KIRREL3: variants seen among roughly 807,000 people sequenced by gnomAD.
The protein encoded by KIRREL3 is kin of IRRE-like protein 3.
In KIRREL3, 36 loss-of-function variants were observed where a neutral mutation model predicts 89.7. The observed-to-expected ratio is 0.40, with a 90% CI of 0.31 to 0.53. The LOEUF is 0.53. Ranked by LOEUF, KIRREL3 falls within the 20% of genes least tolerant of loss-of-function variation. KIRREL3 has a pLI of 0.49. For synonymous variants in KIRREL3, 445 were observed against 441.4 expected, an observed-to-expected ratio of 1.01 and a Z score of -0.10; for missense variants, 864 against 1,056.6, an observed-to-expected ratio of 0.82 and a Z score of 2.53.
Position 126,606,491 on chromosome 11 carries a change from C to T in KIRREL3, c.56-43579G>A, listed in dbSNP as rs767583021. On this transcript the variant is annotated intron_variant, in intron 1 of 16. Coordinates refer to ENST00000525144, the MANE Select transcript of KIRREL3 (RefSeq NM_032531.4). The surrounding 1 kb of genome is among the most constrained non-coding windows in gnomAD (Gnocchi z 4.6). ...AAGAATTATTAAGTTGTCGATTTCACAGGGCCATGGGGGAGGGAAGTCCGG... is the reference window on the plus strand; with the variant it reads ...AAGAATTATTAAGTTGTCGATTTCATAGGGCCATGGGGGAGGGAAGTCCGG... Among the ~76,000 whole-genome samples the T allele has an allele frequency of 3.3e-5, 5 of 152,156 alleles. No individual in the cohort carries two copies. Among genetic ancestry groups the T allele is most frequent in the Non-Finnish European group, 7.3e-5 (5 of 68,028 alleles).
rs1300461455 is a variant in KIRREL3, at chr11:126,891,420, C to A, written c.55+109035G>T. On this transcript the variant is annotated intron_variant, in intron 1 of 16. Transcript: ENST00000525144. The surrounding 1 kb of genome is among the most constrained non-coding windows in gnomAD (Gnocchi z 5.1). Reference sequence around the variant, plus strand: ...TTCAGCTATTGTAAAGGGCAAGGAGCTGGAAGGAAAGGCAGAAGAGGAGGC... The same window carrying A: ...TTCAGCTATTGTAAAGGGCAAGGAGATGGAAGGAAAGGCAGAAGAGGAGGC... Among the ~76,000 whole-genome samples, 2 of 152,156 alleles carry A rather than the reference C, an allele frequency of 1.3e-5. No individual in the cohort carries two copies. The highest frequency in any genetic ancestry group is 2.9e-5 in the Non-Finnish European group (2 of 68,038).
intron 1 of KIRREL3, among the ~76,000 whole-genome samples, chr11:126,840,994 A>G (rs750147256): frequency 6.6e-6 from 1 of 152,230 alleles, no homozygotes; most frequent in Non-Finnish European, 1.5e-5. Flanking sequence ...TGAATCTTCT[A>G]TTTGTGAAAC....
In KIRREL3 at chr11:126,903,320, G is replaced by T. The variant is rs1946445323; in HGVS notation, c.55+97135C>A. 6.6e-6 allele frequency among the ~76,000 whole-genome samples: 1 copy of T among 151,224 alleles called. No individual in the cohort carries two copies. The highest frequency in any genetic ancestry group is 2.4e-5 in the African/African-American group (1 of 41,092). ...ACTAATTTTTTCCTCTTTTTCTCTG[G>T]GTTAACAATGCAGGGATCATAGTTG... On this transcript the variant is annotated intron_variant, in intron 1 of 16. Transcript: ENST00000525144. This position sits in a 1 kb window ranked among gnomAD's most constrained non-coding sequence, Gnocchi z 4.5.
At chr11:126,919,371 T>G (rs574732116) in intron 1 of KIRREL3, among the ~76,000 whole-genome samples, 1 of 152,342 alleles carries the variant, frequency 6.6e-6, no homozygotes, top group African/African-American at 2.4e-5. Context: ...TTAAAATCAC[T>G]TCTGTTAAAG....
Position 126,544,114 on chromosome 11 carries a change from G to C in KIRREL3, c.134-17427C>G, listed in dbSNP as rs1938594622. On this transcript the variant is annotated intron_variant, in intron 2 of 16. Coordinates refer to ENST00000525144, the MANE Select transcript of KIRREL3 (RefSeq NM_032531.4). This position sits in a 1 kb window ranked among gnomAD's most constrained non-coding sequence, Gnocchi z 5.6. Reference sequence around the variant, plus strand: ...GGTGGCGACAGCTCCTCTAATAAGAGAGTTACTCATGGCTTCACTGGAGAG... The same window carrying C: ...GGTGGCGACAGCTCCTCTAATAAGACAGTTACTCATGGCTTCACTGGAGAG... 6.6e-6 allele frequency: 1 copy of C among 152,242 alleles called. No homozygotes were observed. The highest frequency in any genetic ancestry group is 1.5e-5 in the Non-Finnish European group (1 of 68,066). 9.4% of individuals were successfully genotyped at this position (152,242 alleles called of 1,614,324 possible).
chr11:126,967,214 G>A (rs901725538), intron 1 of KIRREL3, among the ~76,000 whole-genome samples: 8 of 152,136 alleles, frequency 5.3e-5, no homozygotes, highest in Admixed American at 3.9e-4. Flanking sequence ...CTCTTTGTGC[G>A]TAACACTGTT....
chr11:126,486,175 T>A lies in KIRREL3; in HGVS notation c.434-12709A>T, dbSNP rs10893522. ...AGAAGGGAGCTGCAGTGATTTGCAC[T>A]CAAGCAGACCAGTGTGCCTGTGCCG... On this transcript the variant is annotated intron_variant, in intron 4 of 16. Transcript: ENST00000525144. The surrounding 1 kb of genome is among the most constrained non-coding windows in gnomAD (Gnocchi z 6.2). Among the ~76,000 whole-genome samples, 2 of 152,144 alleles carry A rather than the reference T, an allele frequency of 1.3e-5. No homozygotes were observed. Among genetic ancestry groups the A allele is most frequent in the South Asian group, 2.1e-4 (1 of 4,818 alleles).
At chr11:126,600,821 T>C (rs1942620165) in intron 1 of KIRREL3, among the ~76,000 whole-genome samples, 1 of 152,220 alleles carries the variant, frequency 6.6e-6, no homozygotes, top group African/African-American at 2.4e-5. Flanking sequence ...CTTTCAAAGC[T>C]TGGCTTAAAC....
At chr11:126,458,318 A>G (rs114214734) in intron 6 of KIRREL3, among the ~76,000 whole-genome samples, 3 of 152,362 alleles carry the variant, frequency 2.0e-5, no homozygotes, top group Admixed American at 1.3e-4. Flanking sequence ...TTCGGTCCCC[A>G]TGGGGGCACC....
rs1455446880 is a variant in KIRREL3 at position 126,656,019 on chromosome 11, A to G, written c.56-93107T>C. 2.6e-6 allele frequency: 1 copy of G among 391,772 alleles called. No individual in the cohort carries two copies. The highest frequency in any genetic ancestry group is 7.6e-5 in the East Asian group (1 of 13,180). 24.3% of individuals were successfully genotyped at this position (391,772 alleles called of 1,614,324 possible). On this transcript the variant is annotated intron_variant, in intron 1 of 16. Transcript: ENST00000525144. This position sits in a 1 kb window ranked among gnomAD's most constrained non-coding sequence, Gnocchi z 4.0. ...CCTTAGAAGCTAATTAGAATCCTCT[A>G]GAAGTGTGTGGAAATGGGAACCTGA...
At chr11:126,691,348 C>T (rs532615117) in intron 1 of KIRREL3, among the ~76,000 whole-genome samples, 1 of 152,298 alleles carries the variant, frequency 6.6e-6, no homozygotes, top group East Asian at 1.9e-4. Context: ...GTCATTTCAG[C>T]ACTATTTATA....
At position 126,425,463 on chromosome 11, in the gene KIRREL3, C is replaced by T. The variant is rs369208239; in HGVS notation, c.1893+175G>A. Among the ~76,000 whole-genome samples, 331 of 152,248 alleles carry T rather than the reference C, an allele frequency of 2.2e-3. 2 individuals are homozygous for T. Among genetic ancestry groups the T allele is most frequent in the African/African-American group, 6.6e-3 (275 of 41,552 alleles). ...GCCTTAGCTCTCTCAGCCTCCTCAGCGTTGGGGTAGGGAGAGGAGGTGCCT... is the reference window on the plus strand; with the variant it reads ...GCCTTAGCTCTCTCAGCCTCCTCAGTGTTGGGGTAGGGAGAGGAGGTGCCT... On this transcript the variant is annotated intron_variant, in intron 16 of 16. Transcript: ENST00000525144.
In KIRREL3 at chr11:126,474,996, T is replaced by C. The variant is rs1035371373; in HGVS notation, c.434-1530A>G. Reference sequence around the variant, plus strand: ...GTCCTCTGAGGAATCCCTGTTTCCCTTACCCCAGGAGGAGCTGGGCCCACC... The same window carrying C: ...GTCCTCTGAGGAATCCCTGTTTCCCCTACCCCAGGAGGAGCTGGGCCCACC... On this transcript the variant is annotated intron_variant, in intron 4 of 16. Transcript: ENST00000525144. This position sits in a 1 kb window ranked among gnomAD's most constrained non-coding sequence, Gnocchi z 6.7. 1.3e-5 allele frequency among the ~76,000 whole-genome samples: 2 copies of C among 152,124 alleles called. No individual in the cohort carries two copies. The highest frequency in any genetic ancestry group is 4.8e-5 in the African/African-American group (2 of 41,428).
intron 1 of KIRREL3, among the ~76,000 whole-genome samples, chr11:126,654,012 A>G (rs1359762881): frequency 6.6e-6 from 1 of 152,220 alleles, no homozygotes; most frequent in Non-Finnish European, 1.5e-5. Context: ...CAGCGAGGCC[A>G]CAGCCCTCGA....
intron 4 of KIRREL3, among the ~76,000 whole-genome samples, chr11:126,517,236 G>T (rs1363832620): frequency 6.6e-6 from 1 of 151,428 alleles, no homozygotes; most frequent in East Asian, 1.9e-4. Context: ...TTTTATAGAT[G>T]AAGAACCAGA....
At chr11:126,798,918 T>A (rs1950897310) in intron 1 of KIRREL3, among the ~76,000 whole-genome samples, 1 of 152,108 alleles carries the variant, frequency 6.6e-6, no homozygotes, top group Non-Finnish European at 1.5e-5. Context: ...AAACGAAGAG[T>A]ACAGTGGGCC....
intron 1 of KIRREL3, among the ~76,000 whole-genome samples, chr11:126,785,543 A>G (rs1950461390): frequency 6.6e-6 from 1 of 152,064 alleles, no homozygotes; most frequent in Non-Finnish European, 1.5e-5. Context: ...TAAGGGTCCT[A>G]TTGTGTCCCT....
intron 1 of KIRREL3, among the ~76,000 whole-genome samples, chr11:126,887,276 T>C (rs1297851826): frequency 6.6e-6 from 1 of 152,040 alleles, no homozygotes; most frequent in Admixed American, 6.5e-5. Flanking sequence ...AGCCCGTGAG[T>C]ATTAGAGCAA....
chr11:126,822,937 A>G (rs1402639341), intron 1 of KIRREL3, among the ~76,000 whole-genome samples: 1 of 152,214 alleles, frequency 6.6e-6, no homozygotes. Flanking sequence ...GCAGTCAGGT[A>G]TACCATATGG....
Sources: gnomAD v4.1 joint callset for allele counts (sites outside exome capture counted in the v4.1 genomes callset) on GRCh38, gnomAD v4.1.1 for gene constraint, Gnocchi (gnomAD v3.1) non-coding constraint, MANE v1.5 for transcripts, NCBI Gene and HGNC (gene_info 2026-07-23, HGNC 2026-07-21) for gene names.